Variants in LYZL1 observed in about 807,000 individuals in gnomAD.
LYZL1 encodes lysozyme like 1.
In LYZL1, 16 loss-of-function variants were observed where a neutral mutation model predicts 17.9. The observed-to-expected ratio is 0.90, with a 90% CI of 0.61 to 1.36. The LOEUF (loss-of-function observed/expected upper bound fraction) is 1.36. Ranked by LOEUF, LYZL1 falls within the 40% of genes most tolerant of loss-of-function variation. The probability of loss-of-function intolerance (pLI) is 0.00; values close to 1 mark genes in which losing one functional copy is unlikely to be tolerated. For synonymous variants in LYZL1, 58 were observed against 71.8 expected (o/e 0.81, Z 0.97); for missense variants, 149 against 188.4 (o/e 0.79, Z 1.22).
chr10:29,290,091 T>C (rs1481345337), intron 1 of LYZL1, among the ~76,000 whole-genome samples: 6 of 152,150 alleles, frequency 3.9e-5, no homozygotes, highest in African/African-American at 1.4e-4. Flanking sequence ...GATGACTACT[T>C]ATCCCTGTTT....
chr10:29,311,809 C>T (rs1183903373), downstream of LYZL1, among the ~76,000 whole-genome samples: 8 of 151,954 alleles, frequency 5.3e-5, no homozygotes, highest in Non-Finnish European at 5.9e-5. Flanking sequence ...GAAACCCCGT[C>T]TCTACTAAAA....
intron 4 of LYZL1, 25 bp downstream of exon 4, chr10:29,310,213 T>C: frequency 6.5e-7 from 1 of 1,544,514 alleles, no homozygotes; most frequent in Non-Finnish European, 8.9e-7. Context: ...TTGGGAGACT[T>C]GTGCTGTCAT....
chr10:29,295,671 T>C (rs576565545), intron 3 of LYZL1, among the ~76,000 whole-genome samples: 1 of 152,290 alleles, frequency 6.6e-6, no homozygotes, highest in East Asian at 1.9e-4. Context: ...ACAATGTGGG[T>C]GGAACCAGTC....
At chr10:29,311,807 G>A (rs531430036), downstream of LYZL1, among the ~76,000 whole-genome samples, 259 of 152,018 alleles carry the variant, frequency 1.7e-3, 1 homozygote, top group African/African-American at 5.6e-3. Context: ...GAGAAACCCC[G>A]TCTCTACTAA....
chr10:29,317,974 C>G, intron 4 of LYZL1, among the ~76,000 whole-genome samples: 1 of 151,710 alleles, frequency 6.6e-6, no homozygotes, highest in South Asian at 2.1e-4. Context: ...GATTACTATC[C>G]TATTTCTGCA....
rs1456889978 is a variant in LYZL1, at chr10:29,291,839, G to T, written c.-25-4G>T. 1.3e-6 allele frequency: 2 copies of T among 1,552,690 alleles called. No individual in the cohort carries two copies. Among genetic ancestry groups the T allele is most frequent in the Non-Finnish European group, 1.7e-6 (2 of 1,143,574 alleles). ...GTCTGACCTGTTCTCCGGCTCTTTGGCAGGTTCTGTCTCCGGCAGGCTTTG... is the reference window on the plus strand; with the variant it reads ...GTCTGACCTGTTCTCCGGCTCTTTGTCAGGTTCTGTCTCCGGCAGGCTTTG... On this transcript the variant is annotated splice_region_variant and splice_polypyrimidine_tract_variant and intron_variant, in intron 1 of 4. Transcript: ENST00000649382.
intron 3 of LYZL1, among the ~76,000 whole-genome samples, chr10:29,299,993 C>T (rs1001681381): frequency 6.6e-6 from 1 of 152,176 alleles, no homozygotes; most frequent in African/African-American, 2.4e-5. Context: ...ATTGCAACTA[C>T]TCAACCACGA....
At chr10:29,299,515 T>C (rs1835489271) in intron 3 of LYZL1, among the ~76,000 whole-genome samples, 1 of 152,262 alleles carries the variant, frequency 6.6e-6, no homozygotes, top group African/African-American at 2.4e-5. Context: ...AACTATCATA[T>C]AGTGAGAGAT....
intron 3 of LYZL1, 72 bp downstream of exon 3, chr10:29,292,749 A>G: frequency 1.9e-6 from 3 of 1,544,522 alleles, no homozygotes; most frequent in South Asian, 2.5e-5. Flanking sequence ...ATCACCAACC[A>G]TGTCTTGCTT....
At chr10:29,308,124 G>A (rs144548761) in intron 3 of LYZL1, among the ~76,000 whole-genome samples, 2,043 of 152,342 alleles carry the variant, frequency 0.013, 26 homozygotes, top group East Asian at 0.064. Flanking sequence ...TGGTGGTCAT[G>A]GAGATGGGCC....
chr10:29,308,019 C>T (rs1835619013), intron 3 of LYZL1, among the ~76,000 whole-genome samples: 1 of 152,078 alleles, frequency 6.6e-6, no homozygotes, highest in South Asian at 2.1e-4. Flanking sequence ...AAATCAAAAA[C>T]AAAAACAAAA....
intron 3 of LYZL1, among the ~76,000 whole-genome samples, chr10:29,301,793 T>C (rs972963971): frequency 6.6e-6 from 1 of 152,202 alleles, no homozygotes; most frequent in Non-Finnish European, 1.5e-5. Context: ...ATGGCACATA[T>C]GTTAGATTGC....
chr10:29,314,955 C>T (rs1564395409), downstream of LYZL1, among the ~76,000 whole-genome samples: 1 of 152,120 alleles, frequency 6.6e-6, no homozygotes, highest in Non-Finnish European at 1.5e-5. Context: ...AGTGCCTGAG[C>T]CCTTCACCTG....
chr10:29,313,692 T>C (rs1298402815), downstream of LYZL1, among the ~76,000 whole-genome samples: 4 of 152,214 alleles, frequency 2.6e-5, no homozygotes, highest in Non-Finnish European at 5.9e-5. Context: ...AATTAAAGCC[T>C]TCAGAAATTC....
intron 3 of LYZL1, among the ~76,000 whole-genome samples, chr10:29,303,554 G>T (rs574072939): frequency 6.6e-6 from 1 of 152,268 alleles, no homozygotes; most frequent in East Asian, 1.9e-4. Flanking sequence ...TTCCAGTTAA[G>T]GAAGCCTGGG....
chr10:29,296,043 C>T (rs1403634853), intron 3 of LYZL1, among the ~76,000 whole-genome samples: 1 of 152,148 alleles, frequency 6.6e-6, no homozygotes, highest in Non-Finnish European at 1.5e-5. Context: ...CTCTTCCAGC[C>T]ATCGGAACTG....
downstream of LYZL1, among the ~76,000 whole-genome samples, chr10:29,311,453 G>A (rs1483562240): frequency 6.6e-6 from 1 of 151,974 alleles, no homozygotes; most frequent in East Asian, 1.9e-4. Flanking sequence ...TAGGAACTAG[G>A]AGCACCTGAG....
intron 3 of LYZL1, among the ~76,000 whole-genome samples, chr10:29,302,772 G>C (rs2148899): frequency 6.6e-6 from 1 of 151,982 alleles, no homozygotes; most frequent in Non-Finnish European, 1.5e-5. Flanking sequence ...CGTACCCCGC[G>C]GACACAGTTG....
At chr10:29,318,285 T>G (rs1835753575) in exon 5 of LYZL1, 1 of 640,662 alleles carries the variant, frequency 1.6e-6, no homozygotes, top group Non-Finnish European at 1.9e-6. Context: ...TATACTTGCC[T>G]TGAGAAAGCA....
Sources: allele counts gnomAD v4.1 joint callset (sites outside exome capture counted in the v4.1 genomes callset), GRCh38; gene constraint gnomAD v4.1.1; transcripts MANE v1.5; gene names NCBI Gene and HGNC (gene_info 2026-07-23, HGNC 2026-07-21).